STXBP6: variants seen among roughly 807,000 people sequenced by gnomAD.
The protein encoded by STXBP6 is syntaxin-binding protein 6.
Under a neutral mutation model 26.9 loss-of-function variants are expected in STXBP6, and 21 were observed. That is an observed-to-expected ratio of 0.78 (90% confidence interval 0.55 to 1.12). STXBP6 has a LOEUF of 1.12. STXBP6 is among the 50% of genes most tolerant of loss of function. STXBP6 has a pLI of 0.00. For synonymous variants in STXBP6, 97 were observed against 92.6 expected, an observed-to-expected ratio of 1.05 and a Z score of -0.27; for missense variants, 232 against 257.9, an observed-to-expected ratio of 0.90 and a Z score of 0.69.
At chr14:24,839,106 T>C (rs1433428795) in intron 4 of STXBP6, among the ~76,000 whole-genome samples, 6 of 152,092 alleles carry the variant, frequency 3.9e-5, no homozygotes, top group Non-Finnish European at 7.4e-5. Flanking sequence ...GGGAGTTGAG[T>C]TCTGTGATTG....
chr14:24,954,480 C>T (rs2073272924), intron 2 of STXBP6, among the ~76,000 whole-genome samples: 1 of 152,166 alleles, frequency 6.6e-6, no homozygotes, highest in African/African-American at 2.4e-5. Flanking sequence ...ACTCTTCCAC[C>T]TATACAGCGG....
chr14:24,822,692 A>G (rs949189390), intron 4 of STXBP6, among the ~76,000 whole-genome samples: 4 of 151,816 alleles, frequency 2.6e-5, no homozygotes, highest in Admixed American at 6.6e-5. Flanking sequence ...TTAAGACTAC[A>G]TCTTCTTTCT....
chr14:25,007,664 A>C (rs1355746505), intron 1 of STXBP6, among the ~76,000 whole-genome samples: 1 of 152,270 alleles, frequency 6.6e-6, no homozygotes, highest in Non-Finnish European at 1.5e-5. Flanking sequence ...TGCAGGGCAC[A>C]TTAGAAATGC....
chr14:24,872,122 C>T (rs752221644), intron 2 of STXBP6, among the ~76,000 whole-genome samples: 58 of 152,140 alleles, frequency 3.8e-4, no homozygotes, highest in African/African-American at 8.7e-4. Flanking sequence ...AAAATTCCCA[C>T]GAAGACTTAC....
chr14:24,973,576 G>A (rs1260194051), intron 2 of STXBP6, among the ~76,000 whole-genome samples: 2 of 151,676 alleles, frequency 1.3e-5, no homozygotes, highest in African/African-American at 4.8e-5. Flanking sequence ...AATAGAGACA[G>A]GGTTTCACTA....
At chr14:24,833,837 T>C (rs985633829) in intron 4 of STXBP6, among the ~76,000 whole-genome samples, 2 of 152,224 alleles carry the variant, frequency 1.3e-5, no homozygotes, top group Non-Finnish European at 2.9e-5. Flanking sequence ...AAAATTGTTA[T>C]TATGGTCTAG....
intron 2 of STXBP6, among the ~76,000 whole-genome samples, chr14:24,973,379 C>CTTTTTTTTTTTTTT (rs1057437135): frequency 2.6e-5 from 2 of 76,810 alleles, no homozygotes; most frequent in African/African-American, 6.9e-5. Context: ...AGCTTTCTTC[C>CTTTTTTTTTTTTTT]TTTTTTTTTT....
intron 2 of STXBP6, among the ~76,000 whole-genome samples, chr14:24,884,802 G>C (rs1185023667): frequency 6.6e-6 from 1 of 151,954 alleles, no homozygotes; most frequent in Non-Finnish European, 1.5e-5. Context: ...TATATATTTT[G>C]CCCCATGACA....
At chr14:24,838,977 A>C (rs2138999904) in intron 4 of STXBP6, among the ~76,000 whole-genome samples, 1 of 152,258 alleles carries the variant, frequency 6.6e-6, no homozygotes, top group Admixed American at 6.5e-5. Flanking sequence ...AAAAACCTAA[A>C]CCATTAAAAA....
chr14:24,843,674 C>T (rs975224668), intron 4 of STXBP6, among the ~76,000 whole-genome samples: 2 of 152,156 alleles, frequency 1.3e-5, no homozygotes, highest in Non-Finnish European at 2.9e-5. Context: ...CCTGCTCTGT[C>T]CAGTAAGTGA....
chr14:24,959,000 A>AT lies in STXBP6; in HGVS notation c.154+15664dup, dbSNP rs564039052. On this transcript the variant is annotated intron_variant, in intron 2 of 5. Transcript: ENST00000323944. ...ACAGGAGGTCACAGTGTTTGTCATA[A>AT]TGCGTCTATCAACCCCAGTTATAAT... 2.0e-3 allele frequency among the ~76,000 whole-genome samples: 312 copies of AT among 152,304 alleles called. 14 individuals are homozygous for AT. Among genetic ancestry groups the AT allele is most frequent in the South Asian group, 4.1e-3 (20 of 4,824 alleles).
At chr14:24,976,590 G>A (rs74808943) in intron 1 of STXBP6, among the ~76,000 whole-genome samples, 21 of 152,046 alleles carry the variant, frequency 1.4e-4, no homozygotes, top group Admixed American at 1.3e-3. Flanking sequence ...TAACTGATAC[G>A]GTATGATTTC....
At chr14:24,889,480 G>C (rs1595051094) in intron 2 of STXBP6, among the ~76,000 whole-genome samples, 1 of 149,642 alleles carries the variant, frequency 6.7e-6, no homozygotes, top group Non-Finnish European at 1.5e-5. Context: ...ACGAGTTAAT[G>C]GGTGCAGCAC....
Position 24,891,372 on chromosome 14 carries a change from A to C in STXBP6, c.155-34215T>G, listed in dbSNP as rs143024862. Among the ~76,000 whole-genome samples, 828 of 152,286 alleles carry C rather than the reference A, an allele frequency of 5.4e-3. 8 individuals carry two copies. The highest frequency in any genetic ancestry group is 0.019 in the African/African-American group (801 of 41,554). On this transcript the variant is annotated intron_variant, in intron 2 of 5. Coordinates refer to ENST00000323944, the MANE Select transcript of STXBP6 (RefSeq NM_001394410.1). ...TAAATAGGGGTTACCTATGCCTTGAATACTCAGTTCATATCCTGTATATGG... is the reference window on the plus strand; with the variant it reads ...TAAATAGGGGTTACCTATGCCTTGACTACTCAGTTCATATCCTGTATATGG...
intron 1 of STXBP6, among the ~76,000 whole-genome samples, chr14:25,025,008 G>A (rs2075323879): frequency 6.6e-6 from 1 of 152,080 alleles, no homozygotes; most frequent in African/African-American, 2.4e-5. Context: ...ACAAACTAAT[G>A]CAAAGTAAAT....
chr14:24,996,960 G>A (rs991630474), intron 1 of STXBP6, among the ~76,000 whole-genome samples: 1 of 150,908 alleles, frequency 6.6e-6, no homozygotes, highest in Non-Finnish European at 1.5e-5. Flanking sequence ...ACACAAGAAT[G>A]AATTGAAATA....
At chr14:24,835,507 C>T (rs1342126588) in intron 4 of STXBP6, among the ~76,000 whole-genome samples, 9 of 152,132 alleles carry the variant, frequency 5.9e-5, no homozygotes, top group Non-Finnish European at 1.0e-4. Context: ...GAATTTCATA[C>T]ATGTATCCTA....
intron 1 of STXBP6, among the ~76,000 whole-genome samples, chr14:25,015,193 T>G (rs113596011): frequency 3.3e-5 from 5 of 152,162 alleles, no homozygotes; most frequent in Admixed American, 6.6e-5. Context: ...ATTATCTTTT[T>G]CTCTACAAAA....
intron 2 of STXBP6, among the ~76,000 whole-genome samples, chr14:24,928,295 G>C (rs1265799576): frequency 6.6e-6 from 1 of 152,012 alleles, no homozygotes; most frequent in Non-Finnish European, 1.5e-5. Context: ...GAATATACTG[G>C]GATATAGAAA....
Sources: allele counts gnomAD v4.1 joint callset (sites outside exome capture counted in the v4.1 genomes callset), GRCh38; gene constraint gnomAD v4.1.1; transcripts MANE v1.5; gene names NCBI Gene and HGNC (gene_info 2026-07-23, HGNC 2026-07-21).